Variants in SELENOI observed in about 807,000 individuals in gnomAD.
The protein encoded by SELENOI is ethanolaminephosphotransferase 1.
In SELENOI, 24 loss-of-function variants were observed where a neutral mutation model predicts 50.7. The ratio of observed to expected loss-of-function variants is 0.47; its 90% CI spans 0.34 to 0.67. The LOEUF (loss-of-function observed/expected upper bound fraction) is 0.67, where lower values mean the gene tolerates loss of function less well. Among genes scored for constraint, SELENOI ranks in the 30% least tolerant of loss-of-function variants. The probability of loss-of-function intolerance (pLI) is 0.01; values close to 1 mark genes in which losing one functional copy is unlikely to be tolerated. For synonymous variants in SELENOI, 155 were observed against 170.2 expected (o/e 0.91, Z 0.70); for missense variants, 352 against 461.4 (o/e 0.76, Z 2.17).
chr2:26,362,500 C>T (rs1408464803), intron 1 of SELENOI, among the ~76,000 whole-genome samples: 3 of 151,912 alleles, frequency 2.0e-5, no homozygotes, highest in Admixed American at 1.3e-4. Context: ...GTGGCTCACG[C>T]CTGTAATCCC....
Position 26,394,526 on chromosome 2 carries a change from A to G in SELENOI, c.*5423A>G, listed in dbSNP as rs142771958. 1.3e-5 allele frequency: 2 copies of G among 152,362 alleles called. No homozygotes were observed. The highest frequency in any genetic ancestry group is 2.4e-5 in the African/African-American group (1 of 41,590). The allele number at this position is 152,362 out of a possible 1,614,324, so 9.4% of individuals were successfully genotyped here. A position where few individuals can be genotyped will look rare whatever the true frequency, so the allele number is the denominator to read the frequency against. On this transcript the variant is annotated 3_prime_UTR_variant, in exon 10 of 10. Transcript: ENST00000260585. The surrounding 1 kb of genome is among the most constrained non-coding windows in gnomAD (Gnocchi z 4.1). Reference sequence around the variant, plus strand: ...TTTTGTAGGTTATTTTGTTGTTTAGATAACTTGCCTCCCTAGAGGAGCATT... The same window carrying G: ...TTTTGTAGGTTATTTTGTTGTTTAGGTAACTTGCCTCCCTAGAGGAGCATT...
intron 7 of SELENOI, among the ~76,000 whole-genome samples, chr2:26,383,772 G>T (rs1677761949): frequency 6.6e-6 from 1 of 152,152 alleles, no homozygotes; most frequent in Non-Finnish European, 1.5e-5. Flanking sequence ...TACTCAGGAG[G>T]CTGAGGCAGG....
At chr2:26,386,255 C>T (rs1677839892) in intron 8 of SELENOI, 99 bp from the exon 9 acceptor site, 1 of 1,197,852 alleles carries the variant, frequency 8.3e-7, no homozygotes, top group African/African-American at 1.5e-5. Flanking sequence ...GGTTCAGGTA[C>T]TTGAATGCTT....
At chr2:26,352,921 T>C (rs1244351193) in intron 1 of SELENOI, among the ~76,000 whole-genome samples, 1 of 151,638 alleles carries the variant, frequency 6.6e-6, no homozygotes, top group Non-Finnish European at 1.5e-5. Context: ...TGATGCTGAA[T>C]AGTGCTTGCC....
rs745939745 is a variant in SELENOI at position 26,388,979 on chromosome 2, C to T, written c.1096-26C>T. On this transcript the variant is annotated intron_variant, in intron 9 of 9. Coordinates refer to ENST00000260585, the MANE Select transcript of SELENOI (RefSeq NM_033505.4). ...AAAACAATAAGGTACATATTTGTCA[C>T]TGTCTCATGTTCTGATTTTTCATAG... is the stretch of plus-strand genomic sequence containing the variant. The T allele has an allele frequency of 8.0e-6, 12 of 1,509,262 alleles. No homozygotes were observed. In the South Asian group the frequency reaches 1.2e-4, roughly 15 times the overall value. 93.5% of individuals were successfully genotyped at this position (1,509,262 alleles called of 1,614,324 possible).
At chr2:26,360,461 C>T (rs1677152298) in intron 1 of SELENOI, among the ~76,000 whole-genome samples, 2 of 152,176 alleles carry the variant, frequency 1.3e-5, no homozygotes, top group African/African-American at 4.8e-5. Flanking sequence ...ATTTTAAAAG[C>T]GGAGCTTTTC....
At chr2:26,386,316 T>C (rs1202569961) in intron 8 of SELENOI, 38 bp from the exon 9 acceptor site, 1 of 1,578,988 alleles carries the variant, frequency 6.3e-7, no homozygotes, top group African/African-American at 1.4e-5. Context: ...ATGAAATTTT[T>C]CTTTTTTTCT....
chr2:26,384,974 C>T lies in SELENOI; in HGVS notation c.747C>T (p.Asn249=). ...TTTTTTCCAGAAGCTATAAAAATAA[C>T]ACCTTGAAACTCAATTCAGTCTATG... ...LLNFFRSYKN[N]TLKLNSVYEA... The change falls in exon 8 of 10, where the codon AAC becomes AAT. Residue 249 remains asparagine (N), a synonymous_variant. Transcript: ENST00000260585. 1 of 1,599,050 alleles carries T rather than the reference C, an allele frequency of 6.3e-7. No homozygotes were observed. The highest frequency in any genetic ancestry group is 8.5e-7 in the Non-Finnish European group (1 of 1,175,468).
intron 1 of SELENOI, among the ~76,000 whole-genome samples, chr2:26,349,525 C>T (rs549578903): frequency 2.7e-3 from 413 of 152,080 alleles, no homozygotes; most frequent in Non-Finnish European, 4.1e-3. Flanking sequence ...AGGCTGGTCT[C>T]GAACTCCTGA....
intron 6 of SELENOI, among the ~76,000 whole-genome samples, chr2:26,382,466 T>A (rs555592878): frequency 6.4e-4 from 98 of 152,356 alleles, no homozygotes; most frequent in African/African-American, 2.3e-3. Flanking sequence ...TTAGGAAAGC[T>A]TGGTAAATTT....
intron 4 of SELENOI, among the ~76,000 whole-genome samples, chr2:26,372,451 A>T (rs1452271044): frequency 6.6e-6 from 1 of 152,126 alleles, no homozygotes. Flanking sequence ...GGCACAGTTT[A>T]TTCTAAGATT....
intron 1 of SELENOI, 23 bp downstream of exon 1, chr2:26,346,312 C>G: frequency 1.2e-6 from 2 of 1,600,720 alleles, no homozygotes; most frequent in Non-Finnish European, 1.7e-6. Context: ...GGCGGATGCC[C>G]CTCTCCCTGC....
In SELENOI at chr2:26,367,308, T is replaced by C. The variant is rs868707752; in HGVS notation, c.310+88T>C. The C allele has an allele frequency of 6.8e-5, 66 of 971,354 alleles. No individual in the cohort carries two copies. In the Middle Eastern group the frequency reaches 2.0e-3, roughly 29 times the overall value. The allele number at this position is 971,354 out of a possible 1,614,324, so 60.2% of individuals were successfully genotyped here. A position where few individuals can be genotyped will look rare whatever the true frequency, so the allele number is the denominator to read the frequency against. On this transcript the variant is annotated intron_variant, in intron 4 of 9. Coordinates refer to ENST00000260585, the MANE Select transcript of SELENOI (RefSeq NM_033505.4). ...ATTAAAATAACATTTTCTCCTGTGCTTAATTCATTTTAACTAGAGTTTATT... is the reference window on the plus strand; with the variant it reads ...ATTAAAATAACATTTTCTCCTGTGCCTAATTCATTTTAACTAGAGTTTATT...
intron 4 of SELENOI, among the ~76,000 whole-genome samples, chr2:26,369,766 C>T (rs184175341): frequency 3.4e-4 from 52 of 152,366 alleles, no homozygotes; most frequent in African/African-American, 1.1e-3. Context: ...ATATACTTCA[C>T]TCTTAACATG....
chr2:26,359,829 T>G (rs1358060913), intron 1 of SELENOI, among the ~76,000 whole-genome samples: 2 of 152,152 alleles, frequency 1.3e-5, no homozygotes, highest in African/African-American at 4.8e-5. Flanking sequence ...ATCTGAGGCC[T>G]GTAAAATGAG....
intron 6 of SELENOI, among the ~76,000 whole-genome samples, chr2:26,375,737 C>G (rs1677554297): frequency 6.6e-6 from 1 of 151,902 alleles, no homozygotes; most frequent in Non-Finnish European, 1.5e-5. Flanking sequence ...ATTTAGGGGC[C>G]CCAGGAGTGG....
At chr2:26,365,958 T>G (rs1045903245) in intron 3 of SELENOI, among the ~76,000 whole-genome samples, 1 of 152,082 alleles carries the variant, frequency 6.6e-6, no homozygotes, top group Non-Finnish European at 1.5e-5. Flanking sequence ...TGTACTTCCA[T>G]GCCCAGCTAA....
At chr2:26,351,051 G>GTTTTTTT (rs201345011) in intron 1 of SELENOI, among the ~76,000 whole-genome samples, 1 of 102,074 alleles carries the variant, frequency 9.8e-6, no homozygotes, top group African/African-American at 5.6e-5. Context: ...TTCACTGTTT[G>GTTTTTTT]TTTGTTTTTT....
chr2:26,352,792 T>TA (rs1354018457), intron 1 of SELENOI, among the ~76,000 whole-genome samples: 2 of 119,772 alleles, frequency 1.7e-5, no homozygotes, highest in African/African-American at 6.3e-5. Context: ...TCAATAATAA[T>TA]AAAAAAAATT....
Sources: allele counts gnomAD v4.1 joint callset (sites outside exome capture counted in the v4.1 genomes callset), GRCh38; gene constraint gnomAD v4.1.1; non-coding constraint Gnocchi (gnomAD v3.1); transcripts MANE v1.5; gene names NCBI Gene and HGNC (gene_info 2026-07-23, HGNC 2026-07-21).